The following TPX2 variants were observed in gnomAD, a reference collection of about 807,000 sequenced individuals.
TPX2 encodes the protein targeting protein for Xklp2.
TPX2 carries 21 observed loss-of-function variants against 93.6 expected under a neutral mutation model. The observed-to-expected ratio is 0.22, with a 90% confidence interval of 0.16 to 0.32. The LOEUF is 0.32. TPX2 is among the 10% of genes least tolerant of loss of function. The probability of loss-of-function intolerance (pLI) is 1.00; values close to 1 mark genes in which losing one functional copy is unlikely to be tolerated. For missense variants in TPX2, 776 were observed against 871.1 expected, an observed-to-expected ratio of 0.89 and a Z score of 1.37; for synonymous variants, 281 against 298.3, an observed-to-expected ratio of 0.94 and a Z score of 0.60.
chr20:31,764,746 C>G (rs896943754), intron 4 of TPX2, among the ~76,000 whole-genome samples: 2 of 152,048 alleles, frequency 1.3e-5, no homozygotes, highest in Admixed American at 6.6e-5. Flanking sequence ...AGTCTCTCTG[C>G]CCCAAAAATA....
chr20:31,782,288 G>A lies in TPX2; in HGVS notation c.1094G>A (p.Arg365Lys), dbSNP rs1849763186. 6.2e-7 allele frequency: 1 copy of A among 1,613,426 alleles called. No individual in the cohort carries two copies. Among genetic ancestry groups the A allele is most frequent in the Non-Finnish European group, 8.5e-7 (1 of 1,179,714 alleles). ...AAATCTTCTGTGACCAAGATTTGCAGAGACCCACAGACTCCTGTACTGCAA... is the reference window on the plus strand; with the variant it reads ...AAATCTTCTGTGACCAAGATTTGCAAAGACCCACAGACTCCTGTACTGCAA... ...PSKSSVTKIC[R>K]DPQTPVLQTK... The change falls in exon 11 of 18, where the codon AGA (arginine) becomes AAA (lysine). Residue 365 changes from arginine to lysine, a missense_variant. Transcript: ENST00000300403.
In TPX2 at chr20:31,758,186, A is replaced by G. The variant is rs111930645; in HGVS notation, c.106+604A>G. Among the ~76,000 whole-genome samples, 263 of 148,036 alleles carry G rather than the reference A, an allele frequency of 1.8e-3. 3 individuals are homozygous for G. Among genetic ancestry groups the G allele is most frequent in the African/African-American group, 6.5e-3 (257 of 39,764 alleles). On this transcript the variant is annotated intron_variant, in intron 3 of 17. Transcript: ENST00000300403. ...TGCCCAGGCTGGAGTGCAGTGGTAC[A>G]ATCTCAGCTCACTGTAACCTCCGCC...
chr20:31,793,961 T>C lies in TPX2; in HGVS notation c.1623T>C (p.Asp541=). 1.2e-6 allele frequency: 2 copies of C among 1,613,852 alleles called. No homozygotes were observed. The highest frequency in any genetic ancestry group is 1.7e-6 in the Non-Finnish European group (2 of 1,179,884). The change falls in exon 14 of 18, where the codon GAT becomes GAC. Residue 541 remains aspartate (D), a synonymous_variant. Transcript: ENST00000300403. ...TGGAAATATGCCCTTTCTCGTTTGA[T>C]TCTCGAGACAAAGAACGTCAGTTAC... ...RTVEICPFSF[D]SRDKERQLQK...
chr20:31,780,067 CAG>C (rs1022719512), intron 10 of TPX2, among the ~76,000 whole-genome samples: 2 of 152,026 alleles, frequency 1.3e-5, no homozygotes, highest in African/African-American at 4.8e-5. Context: ...TTTTTTGAGA[CAG>C]AGTCTCGTTC....
At chr20:31,776,078 T>G (rs2061996804) in intron 8 of TPX2, 90 bp downstream of exon 8, 3 of 766,434 alleles carry the variant, frequency 3.9e-6, no homozygotes, top group African/African-American at 3.2e-5. Context: ...TTTTTTTTTT[T>G]TTTTTTTTTT....
intron 2 of TPX2, among the ~76,000 whole-genome samples, chr20:31,751,562 T>A (rs2061819763): frequency 6.6e-6 from 1 of 152,156 alleles, no homozygotes; most frequent in African/African-American, 2.4e-5. Flanking sequence ...CAATAGTGTA[T>A]TTCATAGCAC....
intron 2 of TPX2, among the ~76,000 whole-genome samples, chr20:31,756,203 C>T (rs1257864193): frequency 1.3e-5 from 2 of 152,174 alleles, no homozygotes; most frequent in Non-Finnish European, 2.9e-5. Context: ...TGAGTAAAAT[C>T]TATCTTTGTT....
chr20:31,798,392 A>G lies in TPX2; in HGVS notation c.1973A>G (p.Glu658Gly). The G allele has an allele frequency of 6.2e-7, 1 of 1,613,984 alleles. No individual in the cohort carries two copies. Among genetic ancestry groups the G allele is most frequent in the South Asian group, 1.1e-5 (1 of 91,076 alleles). Reference sequence around the variant, plus strand: ...GGCCTTTCTGGTTCTCTAGTTCAGGAACCTTTTCAGCTGGCTACTGAGAAG... The same window carrying G: ...GGCCTTTCTGGTTCTCTAGTTCAGGGACCTTTTCAGCTGGCTACTGAGAAG... ...AEGLSGSLVQ[E>G]PFQLATEKRA... The change falls in exon 17 of 18, where the codon GAA becomes GGA. Residue 658 changes from glutamate to glycine, a missense_variant. This residue lies in a region of TPX2 where 461 missense variants were observed against 551.2 expected (regional missense o/e 0.84). Coordinates refer to ENST00000300403, the MANE Select transcript of TPX2 (RefSeq NM_012112.5).
At chr20:31,791,346 C>T (rs190960525) in intron 12 of TPX2, among the ~76,000 whole-genome samples, 4 of 152,212 alleles carry the variant, frequency 2.6e-5, no homozygotes, top group South Asian at 2.1e-4. Context: ...TGCAGTGGTG[C>T]GATCTTGGCT....
Position 31,748,029 on chromosome 20 carries a change from T to G in TPX2, c.-71+5382T>G, listed in dbSNP as rs116108197. ...AGTAGTTAGCTTTTCGTTTTCTTGATGTACTTGTCCTATCAGCCTTAATTG... is the reference window on the plus strand; with the variant it reads ...AGTAGTTAGCTTTTCGTTTTCTTGAGGTACTTGTCCTATCAGCCTTAATTG... On this transcript the variant is annotated intron_variant, in intron 2 of 17. Coordinates refer to ENST00000300403, the MANE Select transcript of TPX2 (RefSeq NM_012112.5). Among the ~76,000 whole-genome samples, 1,369 of 152,264 alleles carry G rather than the reference T, an allele frequency of 9.0e-3. 28 individuals carry two copies. Among genetic ancestry groups the G allele is most frequent in the African/African-American group, 0.031 (1,305 of 41,558 alleles).
chr20:31,752,848 C>G (rs7345326), intron 2 of TPX2, among the ~76,000 whole-genome samples: 1 of 152,048 alleles, frequency 6.6e-6, no homozygotes, highest in African/African-American at 2.4e-5. Context: ...TCTCCTCACC[C>G]TGTGATCCAC....
chr20:31,762,789 C>T (rs767267939), intron 4 of TPX2, among the ~76,000 whole-genome samples: 1 of 152,058 alleles, frequency 6.6e-6, no homozygotes, highest in Non-Finnish European at 1.5e-5. Context: ...TTGATCAGCA[C>T]CATTTTTTGA....
Position 31,756,914 on chromosome 20 carries a change from A to C in TPX2, c.-70-493A>C, listed in dbSNP as rs979440372. 3.9e-5 allele frequency among the ~76,000 whole-genome samples: 6 copies of C among 152,196 alleles called. No homozygotes were observed. The East Asian group carries it at 1.2e-3, about 29-fold the overall frequency. On this transcript the variant is annotated intron_variant, in intron 2 of 17. Coordinates refer to ENST00000300403, the MANE Select transcript of TPX2 (RefSeq NM_012112.5). ...AGTGCTGGGATTACAGGCGTGAGCCACTGCTCCTGGCCTAAAATTTATTTT... is the reference window on the plus strand; with the variant it reads ...AGTGCTGGGATTACAGGCGTGAGCCCCTGCTCCTGGCCTAAAATTTATTTT...
At chr20:31,752,366 A>G (rs567746433) in intron 2 of TPX2, among the ~76,000 whole-genome samples, 2 of 152,322 alleles carry the variant, frequency 1.3e-5, no homozygotes, top group South Asian at 4.1e-4. Flanking sequence ...GAACTGTCCC[A>G]TGGCTACCCC....
intron 11 of TPX2, among the ~76,000 whole-genome samples, chr20:31,782,780 C>T (rs188280096): frequency 4.6e-5 from 7 of 152,034 alleles, no homozygotes; most frequent in Middle Eastern, 6.8e-3. Context: ...GTAGTCCCAC[C>T]TACTAGGGGG....
chr20:31,794,144 T>G, intron 14 of TPX2, 120 bp downstream of exon 14: 1 of 1,165,240 alleles, frequency 8.6e-7, no homozygotes, highest in Non-Finnish European at 1.2e-6. Context: ...CTAAGAACCC[T>G]ATAAAATATA....
chr20:31,758,281 A>G (rs943963301), intron 3 of TPX2, among the ~76,000 whole-genome samples: 11 of 126,676 alleles, frequency 8.7e-5, no homozygotes, highest in African/African-American at 2.9e-4. Flanking sequence ...CAGCATGCCT[A>G]ACTAATTTTT....
intron 5 of TPX2, among the ~76,000 whole-genome samples, chr20:31,769,614 G>A (rs887847978): frequency 8.5e-5 from 13 of 152,090 alleles, no homozygotes; most frequent in South Asian, 2.1e-4. Flanking sequence ...GTGAGCCACC[G>A]CGCCCAGCCT....
intron 2 of TPX2, among the ~76,000 whole-genome samples, chr20:31,754,974 G>A (rs2061842576): frequency 6.6e-6 from 1 of 152,168 alleles, no homozygotes; most frequent in Non-Finnish European, 1.5e-5. Flanking sequence ...TTGAGCCGGA[G>A]TCTCGCTCTT....
Sources: gnomAD v4.1 joint callset for allele counts (sites outside exome capture counted in the v4.1 genomes callset) on GRCh38, gnomAD v4.1.1 for gene constraint, gnomAD v4.1.1 regional missense constraint, MANE v1.5 for transcripts, NCBI Gene and HGNC (gene_info 2026-07-23, HGNC 2026-07-21) for gene names.